SGCZ: variants seen among roughly 807,000 people sequenced by gnomAD.
SGCZ encodes the protein zeta-sarcoglycan.
Under a neutral mutation model 41.3 loss-of-function variants are expected in SGCZ, and 40 were observed. That is an observed-to-expected ratio of 0.97 (90% CI 0.75 to 1.26). SGCZ has a LOEUF of 1.26. Ranked by LOEUF, SGCZ falls within the 50% of genes most tolerant of loss-of-function variation. The probability of loss-of-function intolerance (pLI) is 0.00; values close to 1 mark genes in which losing one functional copy is unlikely to be tolerated. For synonymous variants in SGCZ, 206 were observed against 137.5 expected (o/e 1.50, Z -3.49); for missense variants, 552 against 369.8 (o/e 1.49, Z -4.04).
At chr8:14,964,010 TCTC>T (rs1801051516) in intron 1 of SGCZ, among the ~76,000 whole-genome samples, 1 of 152,236 alleles carries the variant, frequency 6.6e-6, no homozygotes, top group Middle Eastern at 3.4e-3. Flanking sequence ...ATAAAACCCT[TCTC>T]CTTTAAATCC....
chr8:14,811,477 T>A (rs866471420), intron 1 of SGCZ, among the ~76,000 whole-genome samples: 11 of 142,844 alleles, frequency 7.7e-5, no homozygotes, highest in Middle Eastern at 3.7e-3. Flanking sequence ...AGATACTAAG[T>A]GACTTGCCTA....
intron 1 of SGCZ, among the ~76,000 whole-genome samples, chr8:14,938,418 G>A (rs892662200): frequency 6.6e-6 from 1 of 152,062 alleles, no homozygotes; most frequent in African/African-American, 2.4e-5. Context: ...TGAAAATGAT[G>A]AAGATGAAGA....
rs140663242 is a variant in SGCZ at position 14,976,288 on chromosome 8, G to A, written c.39+261297C>T. ...TCCACCTGCCTTGGCCTCTCAAAGTGCTAGGATTACAGGTGTCAGCCACCG... is the reference window on the plus strand; with the variant it reads ...TCCACCTGCCTTGGCCTCTCAAAGTACTAGGATTACAGGTGTCAGCCACCG... On this transcript the variant is annotated intron_variant, in intron 1 of 7. Coordinates refer to ENST00000382080, the MANE Select transcript of SGCZ (RefSeq NM_139167.4). Among the ~76,000 whole-genome samples, 1,012 of 151,996 alleles carry A rather than the reference G, an allele frequency of 6.7e-3. 9 individuals carry two copies. Among genetic ancestry groups the A allele is most frequent in the African/African-American group, 0.023 (949 of 41,472 alleles).
rs543736670 is a variant in SGCZ at position 14,281,143 on chromosome 8, A to T, written c.336+42960T>A. Among the ~76,000 whole-genome samples, 8 of 151,846 alleles carry T rather than the reference A, an allele frequency of 5.3e-5. No individual in the cohort carries two copies. The South Asian group carries it at 6.5e-4, about 12-fold the overall frequency. On this transcript the variant is annotated intron_variant, in intron 3 of 7. Transcript: ENST00000382080. ...GATTGATCACTAGCTCTAGAATTTT[A>T]AAAAAATGAATGAATTCAAGATACT...
chr8:15,158,712 T>C (rs1199185101), intron 1 of SGCZ, among the ~76,000 whole-genome samples: 1 of 152,154 alleles, frequency 6.6e-6, no homozygotes, highest in Non-Finnish European at 1.5e-5. Flanking sequence ...GGGCATGGTC[T>C]ACAAAATAAA....
intron 1 of SGCZ, among the ~76,000 whole-genome samples, chr8:14,826,175 C>G (rs1219039399): frequency 6.7e-6 from 1 of 148,586 alleles, no homozygotes; most frequent in Non-Finnish European, 1.5e-5. Context: ...TGAGTGAGAA[C>G]ATGCAGTGTT....
chr8:14,179,237 C>T (rs760303841), intron 4 of SGCZ, among the ~76,000 whole-genome samples: 25 of 152,280 alleles, frequency 1.6e-4, no homozygotes, highest in East Asian at 5.8e-4. Flanking sequence ...TAGAGAATGA[C>T]GGGAAATTAT....
chr8:14,151,994 A>G (rs951348670), intron 5 of SGCZ, among the ~76,000 whole-genome samples: 2 of 152,134 alleles, frequency 1.3e-5, no homozygotes, highest in Non-Finnish European at 2.9e-5. Context: ...TTAGGGAAAA[A>G]TGTAGAAAAT....
intron 4 of SGCZ, among the ~76,000 whole-genome samples, chr8:14,195,454 G>A (rs1290960471): frequency 6.6e-6 from 1 of 152,096 alleles, no homozygotes; most frequent in Non-Finnish European, 1.5e-5. Flanking sequence ...TGGAGTCTCT[G>A]AGGAAGAACA....
At chr8:14,188,991 G>A (rs925980039) in intron 4 of SGCZ, among the ~76,000 whole-genome samples, 1 of 148,682 alleles carries the variant, frequency 6.7e-6, no homozygotes, top group African/African-American at 2.5e-5. Context: ...GAGTAGCTGC[G>A]ATTACAGGCA....
chr8:15,109,729 T>C (rs956572622), intron 1 of SGCZ, among the ~76,000 whole-genome samples: 1 of 152,186 alleles, frequency 6.6e-6, no homozygotes, highest in Non-Finnish European at 1.5e-5. Context: ...TGAGTTAATA[T>C]ATGTGAGACA....
chr8:15,218,009 C>T (rs1022046956), intron 1 of SGCZ, among the ~76,000 whole-genome samples: 1 of 152,108 alleles, frequency 6.6e-6, no homozygotes, highest in East Asian at 1.9e-4. Context: ...TTACTTCACC[C>T]TGGGAGGCGG....
At chr8:14,975,372 C>G (rs548748308) in intron 1 of SGCZ, among the ~76,000 whole-genome samples, 2 of 152,266 alleles carry the variant, frequency 1.3e-5, no homozygotes, top group Non-Finnish European at 2.9e-5. Flanking sequence ...AGCAGCGTTC[C>G]ATCGAAGCAC....
intron 1 of SGCZ, among the ~76,000 whole-genome samples, chr8:15,225,916 G>T (rs1481935636): frequency 6.6e-6 from 1 of 152,174 alleles, no homozygotes; most frequent in East Asian, 1.9e-4. Flanking sequence ...GTTAGATTTT[G>T]CAATCCCATG....
At chr8:14,871,721 T>C (rs1371462151) in intron 1 of SGCZ, among the ~76,000 whole-genome samples, 3 of 151,904 alleles carry the variant, frequency 2.0e-5, no homozygotes, top group East Asian at 1.9e-4. Flanking sequence ...GGAGAATTAC[T>C]GGAACTCAGG....
At chr8:15,163,370 G>C (rs1199850091) in intron 1 of SGCZ, among the ~76,000 whole-genome samples, 2 of 152,180 alleles carry the variant, frequency 1.3e-5, no homozygotes, top group African/African-American at 4.8e-5. Flanking sequence ...CAGCCTTCAG[G>C]CTGTCTTGAT....
chr8:14,883,372 C>G (rs947688041), intron 1 of SGCZ, among the ~76,000 whole-genome samples: 44 of 151,962 alleles, frequency 2.9e-4, no homozygotes, highest in Admixed American at 1.6e-3. Flanking sequence ...GAAGAGAAGG[C>G]AAGACTCTAT....
At chr8:14,917,931 C>G (rs542970322) in intron 1 of SGCZ, among the ~76,000 whole-genome samples, 1 of 152,162 alleles carries the variant, frequency 6.6e-6, no homozygotes, top group South Asian at 2.1e-4. Flanking sequence ...TCATGTTACC[C>G]TTAGTGGTGT....
chr8:14,708,665 G>A (rs1026577957), intron 1 of SGCZ, among the ~76,000 whole-genome samples: 7 of 151,962 alleles, frequency 4.6e-5, no homozygotes, highest in Admixed American at 3.9e-4. Context: ...ATGCAACATC[G>A]TAAATCCAAG....
Sources: allele counts gnomAD v4.1 joint callset (sites outside exome capture counted in the v4.1 genomes callset), GRCh38; gene constraint gnomAD v4.1.1; transcripts MANE v1.5; gene names NCBI Gene and HGNC (gene_info 2026-07-23, HGNC 2026-07-21).